The following SPATS2L variants were observed in gnomAD, a reference collection of about 807,000 sequenced individuals.
The protein encoded by SPATS2L is SPATS2-like protein.
SPATS2L carries 30 observed loss-of-function variants against 59.6 expected under a neutral mutation model. The observed-to-expected ratio is 0.50, with a 90% confidence interval of 0.38 to 0.68. The LOEUF (loss-of-function observed/expected upper bound fraction) is 0.68. SPATS2L is among the 30% of genes least tolerant of loss of function. SPATS2L has a pLI of 0.00. For missense variants in SPATS2L, 615 were observed against 700.0 expected, an observed-to-expected ratio of 0.88 and a Z score of 1.37; for synonymous variants, 252 against 263.5, an observed-to-expected ratio of 0.96 and a Z score of 0.42.
intron 2 of SPATS2L, among the ~76,000 whole-genome samples, chr2:200,343,000 T>G (rs2080384443): frequency 6.6e-6 from 1 of 152,234 alleles, no homozygotes; most frequent in Admixed American, 6.5e-5. Flanking sequence ...TGACAATACA[T>G]TCTACTTTCT....
intron 2 of SPATS2L, among the ~76,000 whole-genome samples, chr2:200,348,566 A>G (rs577244986): frequency 6.6e-6 from 1 of 152,278 alleles, no homozygotes; most frequent in South Asian, 2.1e-4. Flanking sequence ...TGAGCTGAGG[A>G]CAGTGGGGCT....
chr2:200,384,631 C>T (rs539265555), intron 2 of SPATS2L, among the ~76,000 whole-genome samples: 17 of 152,288 alleles, frequency 1.1e-4, no homozygotes, highest in African/African-American at 3.4e-4. Context: ...GGATTACAGA[C>T]GTGAGCCACC....
At chr2:200,426,846 G>A (rs529969699) in intron 6 of SPATS2L, among the ~76,000 whole-genome samples, 84 of 152,216 alleles carry the variant, frequency 5.5e-4, no homozygotes, top group African/African-American at 2.0e-3. Context: ...CTCAACCTCA[G>A]CTTCAAGTAA....
At chr2:200,332,095 C>T (rs1304351485) in intron 2 of SPATS2L, among the ~76,000 whole-genome samples, 1 of 151,868 alleles carries the variant, frequency 6.6e-6, no homozygotes, top group African/African-American at 2.4e-5. Context: ...TTGGTATGCA[C>T]AATATTAGCC....
chr2:200,323,058 G>A (rs1018443906), intron 1 of SPATS2L, among the ~76,000 whole-genome samples: 6 of 152,164 alleles, frequency 3.9e-5, no homozygotes, highest in Admixed American at 6.6e-5. Context: ...TTCAAATCTC[G>A]ACAGAACATG....
At chr2:200,447,148 A>G (rs1286143591) in intron 8 of SPATS2L, among the ~76,000 whole-genome samples, 1 of 152,240 alleles carries the variant, frequency 6.6e-6, no homozygotes, top group Non-Finnish European at 1.5e-5. Context: ...AGTGGGGACC[A>G]GGATTAGGAT....
chr2:200,363,570 A>C (rs295128), intron 2 of SPATS2L, among the ~76,000 whole-genome samples: 1 of 152,362 alleles, frequency 6.6e-6, no homozygotes, highest in African/African-American at 2.4e-5. Context: ...AAGGACATTC[A>C]TTATTTTAAC....
At chr2:200,431,301 C>T (rs1354036569) in intron 6 of SPATS2L, among the ~76,000 whole-genome samples, 1 of 152,126 alleles carries the variant, frequency 6.6e-6, no homozygotes, top group African/African-American at 2.4e-5. Flanking sequence ...ACACAAAGAT[C>T]AATTACCAAA....
At chr2:200,409,221 G>A (rs1250526803) in intron 3 of SPATS2L, among the ~76,000 whole-genome samples, 1 of 152,224 alleles carries the variant, frequency 6.6e-6, no homozygotes, top group Admixed American at 6.5e-5. Context: ...TATTAGTCAC[G>A]CATTGATTGA....
intron 1 of SPATS2L, among the ~76,000 whole-genome samples, chr2:200,327,782 G>A (rs1414708551): frequency 6.6e-6 from 1 of 152,186 alleles, no homozygotes; most frequent in Non-Finnish European, 1.5e-5. Context: ...GTATCTAGGT[G>A]AGATGAACTG....
At chr2:200,378,865 T>C (rs890824169) in intron 2 of SPATS2L, among the ~76,000 whole-genome samples, 1 of 152,210 alleles carries the variant, frequency 6.6e-6, no homozygotes, top group Non-Finnish European at 1.5e-5. Flanking sequence ...CAATCCATGT[T>C]TTCTTTGGAC....
At chr2:200,446,801 C>T (rs992438771) in intron 8 of SPATS2L, among the ~76,000 whole-genome samples, 2 of 152,174 alleles carry the variant, frequency 1.3e-5, no homozygotes, top group African/African-American at 4.8e-5. Context: ...CAATCACATA[C>T]CCAAAGAAAC....
chr2:200,398,051 C>A (rs924423785), intron 3 of SPATS2L, among the ~76,000 whole-genome samples: 1 of 152,140 alleles, frequency 6.6e-6, no homozygotes, highest in Non-Finnish European at 1.5e-5. Context: ...TGAATTTCGG[C>A]AGGCTGATGA....
rs370466935 is a variant in SPATS2L at position 200,472,861 on chromosome 2, A to G, written c.1090A>G (p.Arg364Gly). 5.6e-6 allele frequency: 9 copies of G among 1,613,876 alleles called. No homozygotes were observed. The highest frequency in any genetic ancestry group is 5.5e-5 in the South Asian group (5 of 91,088). The change falls in exon 12 of 13, where the codon AGA (arginine) becomes GGA (glycine). Residue 364 changes from arginine (R) to glycine (G), a missense_variant. Transcript: ENST00000409140. ...ACATCCAAAGAACAACTATTCCTCA[A>G]GAACTCCCTGCAGCTCCCTGCTGCC... ...ITHPKNNYSSRTPCSSLLPLL... is the reference protein window; with the variant it reads ...ITHPKNNYSSGTPCSSLLPLL...
intron 2 of SPATS2L, among the ~76,000 whole-genome samples, chr2:200,357,387 G>A (rs2080951410): frequency 1.3e-5 from 2 of 152,132 alleles, no homozygotes; most frequent in South Asian, 4.2e-4. Flanking sequence ...GTCATTAAAA[G>A]CCTTCCTCCC....
chr2:200,453,231 G>A (rs1170448560), intron 8 of SPATS2L, among the ~76,000 whole-genome samples: 1 of 152,188 alleles, frequency 6.6e-6, no homozygotes, highest in Non-Finnish European at 1.5e-5. Context: ...AGGATGGGGA[G>A]CAGAACAGCA....
intron 3 of SPATS2L, among the ~76,000 whole-genome samples, chr2:200,400,124 C>G (rs1172192038): frequency 7.0e-6 from 1 of 143,688 alleles, no homozygotes; most frequent in Non-Finnish European, 1.6e-5. Flanking sequence ...ATTAAAATAC[C>G]AAAAACAAAA....
intron 3 of SPATS2L, among the ~76,000 whole-genome samples, chr2:200,406,149 G>C (rs1255459363): frequency 6.6e-6 from 1 of 152,152 alleles, no homozygotes; most frequent in Non-Finnish European, 1.5e-5. Context: ...CCTGTCAGTA[G>C]AGCAGGAAGT....
At chr2:200,318,172 G>A (rs1306900153) in intron 1 of SPATS2L, among the ~76,000 whole-genome samples, 3 of 152,166 alleles carry the variant, frequency 2.0e-5, no homozygotes, top group Non-Finnish European at 4.4e-5. Flanking sequence ...GTAGGAATGT[G>A]GTCAGTCCTG....
Sources: gnomAD v4.1 joint callset for allele counts (sites outside exome capture counted in the v4.1 genomes callset) on GRCh38, gnomAD v4.1.1 for gene constraint, MANE v1.5 for transcripts, NCBI Gene and HGNC (gene_info 2026-07-23, HGNC 2026-07-21) for gene names.